RCAN3: variants seen among roughly 807,000 people sequenced by gnomAD.
The protein encoded by RCAN3 is calcipressin-3.
In RCAN3, 19 loss-of-function variants were observed where a neutral mutation model predicts 21.9. The ratio of observed to expected loss-of-function variants is 0.87; its 90% CI spans 0.61 to 1.27. The LOEUF is 1.27. RCAN3 is among the 50% of genes most tolerant of loss of function. The pLI is 0.00. For missense variants in RCAN3, 240 were observed against 300.1 expected (o/e 0.80, Z 1.48); for synonymous variants, 114 against 112.3 (o/e 1.01, Z -0.09).
At chr1:24,530,322 C>T (rs1468710985) in intron 2 of RCAN3, among the ~76,000 whole-genome samples, 2 of 133,820 alleles carry the variant, frequency 1.5e-5, no homozygotes, top group Middle Eastern at 4.4e-3. Context: ...ACCACTGCAC[C>T]TCATTCTGGG....
intron 2 of RCAN3, among the ~76,000 whole-genome samples, chr1:24,524,636 C>G (rs1649107217): frequency 6.6e-6 from 1 of 152,170 alleles, no homozygotes; most frequent in South Asian, 2.1e-4. Context: ...GAGGCCTTGC[C>G]TTTGATATTA....
intron 2 of RCAN3, among the ~76,000 whole-genome samples, chr1:24,530,456 T>C (rs1649673448): frequency 6.7e-6 from 1 of 149,818 alleles, no homozygotes; most frequent in Non-Finnish European, 1.5e-5. Context: ...GAAGAATACC[T>C]ATAACATGAT....
chr1:24,531,450 T>C, intron 3 of RCAN3, 59 bp downstream of exon 3: 1 of 1,307,058 alleles, frequency 7.7e-7, no homozygotes. Flanking sequence ...TCCAAAAATA[T>C]TTTTATTTCA....
At chr1:24,520,257 AG>A (rs1176390272) in intron 2 of RCAN3, among the ~76,000 whole-genome samples, 1 of 152,218 alleles carries the variant, frequency 6.6e-6, no homozygotes, top group African/African-American at 2.4e-5. Flanking sequence ...GTTCTGGCCA[AG>A]AATTAGTAAT....
chr1:24,523,131 T>G (rs1472992891), intron 2 of RCAN3, among the ~76,000 whole-genome samples: 1 of 151,602 alleles, frequency 6.6e-6, no homozygotes, highest in Non-Finnish European at 1.5e-5. Flanking sequence ...TGGCGCAATC[T>G]CAGCTCACTG....
chr1:24,534,185 A>G (rs1241288570), intron 4 of RCAN3, among the ~76,000 whole-genome samples: 1 of 152,206 alleles, frequency 6.6e-6, no homozygotes, highest in Non-Finnish European at 1.5e-5. Context: ...TTGAGGAAGA[A>G]GTGATTCAGT....
At chr1:24,515,027 G>T (rs1211468364) in intron 2 of RCAN3, among the ~76,000 whole-genome samples, 2 of 151,816 alleles carry the variant, frequency 1.3e-5, no homozygotes, top group African/African-American at 4.8e-5. Context: ...AATTTTTATT[G>T]TATTTTTAGA....
In RCAN3 at chr1:24,537,326, G is replaced by A. The variant is rs938700321; in HGVS notation, c.*2049G>A. 1.3e-5 allele frequency: 2 copies of A among 151,628 alleles called. No homozygotes were observed. Among genetic ancestry groups the A allele is most frequent in the Non-Finnish European group, 2.9e-5 (2 of 67,962 alleles). 9.4% of individuals were successfully genotyped at this position (151,628 alleles called of 1,614,324 possible). ...AAAACTTTAAACCAAAATTAGAGAC[G>A]AGTCATTTAAGCTTTTCTGAATGGA... On this transcript the variant is annotated 3_prime_UTR_variant, in exon 5 of 5. Transcript: ENST00000374395.
At chr1:24,529,461 G>T (rs572164481) in intron 2 of RCAN3, among the ~76,000 whole-genome samples, 29 of 149,426 alleles carry the variant, frequency 1.9e-4, no homozygotes, top group African/African-American at 6.9e-4. Context: ...AAGTAGGGGC[G>T]GGTGGCTTGA....
intron 1 of RCAN3, among the ~76,000 whole-genome samples, chr1:24,512,525 T>C (rs1647971446): frequency 6.6e-6 from 1 of 152,142 alleles, no homozygotes. Context: ...AAAATGTATA[T>C]ACAAATGAGT....
At chr1:24,519,567 C>T (rs144697237) in intron 2 of RCAN3, among the ~76,000 whole-genome samples, 1 of 152,124 alleles carries the variant, frequency 6.6e-6, no homozygotes, top group East Asian at 1.9e-4. Flanking sequence ...AAAGTACTGC[C>T]CTTTGTATAT....
At chr1:24,524,915 C>T (rs1332353271) in intron 2 of RCAN3, among the ~76,000 whole-genome samples, 2 of 150,878 alleles carry the variant, frequency 1.3e-5, no homozygotes, top group African/African-American at 2.4e-5. Context: ...CTGCAACCTC[C>T]GCCTCCCAGG....
intron 2 of RCAN3, among the ~76,000 whole-genome samples, chr1:24,524,842 T>G (rs1649133762): frequency 1.3e-5 from 2 of 150,340 alleles, no homozygotes; most frequent in South Asian, 4.2e-4. Flanking sequence ...TTTTTTTTTT[T>G]TTTTTGAGAC....
chr1:24,528,178 C>T (rs1253311484), intron 2 of RCAN3, among the ~76,000 whole-genome samples: 1 of 142,410 alleles, frequency 7.0e-6, no homozygotes, highest in African/African-American at 2.6e-5. Context: ...AGTTGCCAAA[C>T]GTACATTAGC....
chr1:24,528,098 A>G (rs1340748520), intron 2 of RCAN3, among the ~76,000 whole-genome samples: 2 of 152,154 alleles, frequency 1.3e-5, no homozygotes, highest in Non-Finnish European at 2.9e-5. Flanking sequence ...GAATTTTGAG[A>G]AAAAGGTTTG....
intron 3 of RCAN3, among the ~76,000 whole-genome samples, chr1:24,531,940 T>G (rs1649794525): frequency 6.6e-6 from 1 of 152,220 alleles, no homozygotes; most frequent in Admixed American, 6.5e-5. Context: ...GAAACCAATT[T>G]CTTCTGAGAA....
intron 2 of RCAN3, among the ~76,000 whole-genome samples, chr1:24,523,362 G>A (rs1297292146): frequency 6.6e-6 from 1 of 152,010 alleles, no homozygotes; most frequent in South Asian, 2.1e-4. Context: ...ATTTGGAGTC[G>A]ACATGATTGT....
chr1:24,506,244 A>G (rs7540336), intron 1 of RCAN3, among the ~76,000 whole-genome samples: 19,556 of 152,096 alleles, frequency 0.13, 1,973 homozygotes, highest in African/African-American at 0.27. Flanking sequence ...TCTAGCCCGC[A>G]TGACAGAGAC....
chr1:24,534,615 GAAAAA>G (rs55684532), intron 4 of RCAN3, among the ~76,000 whole-genome samples: 1 of 134,158 alleles, frequency 7.5e-6, no homozygotes, highest in Non-Finnish European at 1.6e-5. Context: ...TCAAAAAAAA[GAAAAA>G]AAAAAACCAT....
Sources: allele counts gnomAD v4.1 joint callset (sites outside exome capture counted in the v4.1 genomes callset), GRCh38; gene constraint gnomAD v4.1.1; transcripts MANE v1.5; gene names NCBI Gene and HGNC (gene_info 2026-07-23, HGNC 2026-07-21).